Variants in DLG2 observed in about 807,000 individuals in gnomAD.
The protein encoded by DLG2 is discs large MAGUK scaffold protein 2.
Under a neutral mutation model 132.5 loss-of-function variants are expected in DLG2, and 45 were observed. That is an observed-to-expected ratio of 0.34 (90% CI 0.27 to 0.44). DLG2 has a LOEUF of 0.44. Ranked by LOEUF, DLG2 falls within the 20% of genes least tolerant of loss-of-function variation. The probability of loss-of-function intolerance (pLI) is 1.00; values close to 1 mark genes in which losing one functional copy is unlikely to be tolerated. For synonymous variants in DLG2, 424 were observed against 419.6 expected (o/e 1.01, Z -0.13); for missense variants, 1,045 against 1,196.9 (o/e 0.87, Z 1.87).
chr11:85,628,320 G>A (rs750173801), upstream of DLG2, among the ~76,000 whole-genome samples: 1 of 152,138 alleles, frequency 6.6e-6, no homozygotes, highest in South Asian at 2.1e-4. Context: ...CATCTTTCCC[G>A]CAGGACGCGA....
At chr11:84,812,762 C>A (rs1268931183) in intron 6 of DLG2, among the ~76,000 whole-genome samples, 1 of 152,116 alleles carries the variant, frequency 6.6e-6, no homozygotes, top group East Asian at 1.9e-4. Flanking sequence ...TATATCAGCA[C>A]CTCTCTCCTG....
chr11:85,473,284 C>G (rs2093042798), intron 3 of DLG2, among the ~76,000 whole-genome samples: 1 of 152,198 alleles, frequency 6.6e-6, no homozygotes, highest in South Asian at 2.1e-4. Flanking sequence ...GCACCATTGG[C>G]CACAAGGTCC....
intron 11 of DLG2, among the ~76,000 whole-genome samples, chr11:84,029,643 C>A (rs1340692064): frequency 6.6e-6 from 1 of 152,090 alleles, no homozygotes. Context: ...AAAGTCCACA[C>A]AACTCTAAGT....
chr11:84,576,382 G>A (rs2154528472), intron 6 of DLG2, among the ~76,000 whole-genome samples: 1 of 152,292 alleles, frequency 6.6e-6, no homozygotes, highest in African/African-American at 2.4e-5. Flanking sequence ...AGAAACAGAT[G>A]TTTAGGAAGT....
At chr11:84,620,955 G>A (rs1211258700) in intron 6 of DLG2, among the ~76,000 whole-genome samples, 1 of 152,134 alleles carries the variant, frequency 6.6e-6, no homozygotes, top group Non-Finnish European at 1.5e-5. Flanking sequence ...GTTAGCAAGA[G>A]CATGGAAAAA....
chr11:83,556,211 G>A (rs922877614), intron 19 of DLG2, among the ~76,000 whole-genome samples: 2 of 152,106 alleles, frequency 1.3e-5, no homozygotes, highest in African/African-American at 2.4e-5. Flanking sequence ...CACATTCATA[G>A]AAAACAAGAG....
At chr11:85,315,976 C>T (rs557707419) in intron 3 of DLG2, among the ~76,000 whole-genome samples, 4 of 152,102 alleles carry the variant, frequency 2.6e-5, no homozygotes, top group South Asian at 4.1e-4. Context: ...CTGCCAATGC[C>T]CAGCTGTGTC....
chr11:84,779,355 T>G (rs2071295559), intron 6 of DLG2, among the ~76,000 whole-genome samples: 1 of 152,186 alleles, frequency 6.6e-6, no homozygotes, highest in Non-Finnish European at 1.5e-5. Context: ...CTTTATTTCT[T>G]TATCTGCTAG....
chr11:84,791,533 T>C (rs189988228), intron 6 of DLG2, among the ~76,000 whole-genome samples: 56 of 152,338 alleles, frequency 3.7e-4, no homozygotes, highest in African/African-American at 1.3e-3. Flanking sequence ...CTTTGGCTGG[T>C]ATGGACATTT....
At chr11:85,054,047 A>C (rs2063188681) in intron 6 of DLG2, among the ~76,000 whole-genome samples, 1 of 151,914 alleles carries the variant, frequency 6.6e-6, no homozygotes, top group African/African-American at 2.4e-5. Flanking sequence ...CGGGTGGATC[A>C]CAACGTCAGG....
intron 8 of DLG2, among the ~76,000 whole-genome samples, chr11:84,193,243 C>A (rs1199353286): frequency 6.6e-6 from 1 of 152,160 alleles, no homozygotes; most frequent in Admixed American, 6.5e-5. Flanking sequence ...ACATTCACTA[C>A]AATCATGGAT....
At chr11:84,323,779 T>C (rs1449701164) in intron 7 of DLG2, among the ~76,000 whole-genome samples, 2 of 151,042 alleles carry the variant, frequency 1.3e-5, no homozygotes, top group East Asian at 1.9e-4. Flanking sequence ...TGATACCTCA[T>C]TGTGATTTAA....
At chr11:84,902,312 T>C (rs7112432) in intron 6 of DLG2, among the ~76,000 whole-genome samples, 8,673 of 152,184 alleles carry the variant, frequency 0.057, 791 homozygotes, top group African/African-American at 0.2. Context: ...TCTTTTACCT[T>C]AGCATTTGAA....
In DLG2 at chr11:83,469,190, G is replaced by A. The variant is rs953095808; in HGVS notation, c.2619+11C>T. The A allele has an allele frequency of 3.1e-6, 5 of 1,588,456 alleles. No homozygotes were observed. In the African/African-American group the frequency reaches 4.1e-5, roughly 13 times the overall value. On this transcript the variant is annotated intron_variant, in intron 25 of 27. Transcript: ENST00000376104. ...TCTTCAGGGGAGGTGTAAGAAGATT[G>A]GTGAACATACTCTTTCTGCTACAAA...
chr11:84,188,987 A>G (rs2096344323), intron 8 of DLG2, among the ~76,000 whole-genome samples: 2 of 152,166 alleles, frequency 1.3e-5, no homozygotes, highest in South Asian at 4.1e-4. Context: ...CCCATTAACT[A>G]ATAAAATTTC....
intron 4 of DLG2, among the ~76,000 whole-genome samples, chr11:85,181,131 G>A (rs2079665270): frequency 6.6e-6 from 1 of 151,544 alleles, no homozygotes; most frequent in Admixed American, 6.6e-5. Flanking sequence ...TAGCACTAAA[G>A]AAGAAATAAT....
intron 3 of DLG2, among the ~76,000 whole-genome samples, chr11:85,428,218 T>G (rs1448762056): frequency 6.6e-6 from 1 of 152,028 alleles, no homozygotes; most frequent in South Asian, 2.1e-4. Context: ...GACAGATCAA[T>G]GACACAGAAA....
intron 4 of DLG2, among the ~76,000 whole-genome samples, chr11:85,199,209 A>C (rs192180585): frequency 1.3e-5 from 2 of 152,320 alleles, no homozygotes; most frequent in Admixed American, 1.3e-4. Context: ...AATACTACTC[A>C]GCAATAAAAA....
intron 10 of DLG2, among the ~76,000 whole-genome samples, chr11:84,097,257 G>A (rs948121841): frequency 2.6e-5 from 4 of 152,014 alleles, no homozygotes; most frequent in Middle Eastern, 3.2e-3. Flanking sequence ...ATTTGGCCTC[G>A]TTAGCCCAGT....
Sources: allele counts gnomAD v4.1 joint callset (sites outside exome capture counted in the v4.1 genomes callset), GRCh38; gene constraint gnomAD v4.1.1; transcripts MANE v1.5; gene names NCBI Gene and HGNC (gene_info 2026-07-23, HGNC 2026-07-21).